ALG9: variants seen among roughly 807,000 people sequenced by gnomAD.
The protein encoded by ALG9 is alpha-1,2-mannosyltransferase ALG9.
A neutral mutation model predicts 81.8 loss-of-function variants in ALG9; 55 were observed. The ratio of observed to expected loss-of-function variants is 0.67; its 90% CI spans 0.54 to 0.84. The LOEUF (loss-of-function observed/expected upper bound fraction) is 0.84. Among genes scored for constraint, ALG9 ranks in the 40% least tolerant of loss-of-function variants. The probability of loss-of-function intolerance (pLI) is 0.00; values close to 1 mark genes in which losing one functional copy is unlikely to be tolerated. For synonymous variants in ALG9, 278 were observed against 274.3 expected (o/e 1.01, Z -0.13); for missense variants, 629 against 745.0 (o/e 0.84, Z 1.81).
intron 6 of ALG9, among the ~76,000 whole-genome samples, chr11:111,855,357 G>A (rs1555142376): frequency 1.3e-5 from 2 of 152,208 alleles, no homozygotes; most frequent in African/African-American, 4.8e-5. Context: ...ACAGGGAAGT[G>A]ATACAACCAC....
At chr11:111,775,249 C>T in the ALG9 span, among the ~76,000 whole-genome samples, 1 of 152,170 alleles carries the variant, frequency 6.6e-6, no homozygotes, top group Non-Finnish European at 1.5e-5. Context: ...CCCTTGGTCT[C>T]CCCTGAAGAT....
At chr11:111,778,254 C>G (rs1945750275), downstream of ALG9, 1 of 152,198 alleles carries the variant, frequency 6.6e-6, no homozygotes, top group Non-Finnish European at 1.5e-5. Context: ...AGTCGGCCTG[C>G]TCAAGCCTCT....
At chr11:111,844,534 A>G (rs1768811208) in intron 9 of ALG9, 67 bp downstream of exon 9, 2 of 1,605,044 alleles carry the variant, frequency 1.2e-6, no homozygotes, top group Non-Finnish European at 8.5e-7. Context: ...ATTTTCCTTC[A>G]GTTCTTGGTA....
At chr11:111,773,268 T>C in the ALG9 span, among the ~76,000 whole-genome samples, 1 of 152,056 alleles carries the variant, frequency 6.6e-6, no homozygotes, top group South Asian at 2.1e-4. Flanking sequence ...TTCCTGAGAC[T>C]GAGTCTTGCT....
chr11:111,768,099 C>CT, the ALG9 span, among the ~76,000 whole-genome samples: 1 of 152,154 alleles, frequency 6.6e-6, no homozygotes, highest in Non-Finnish European at 1.5e-5. Flanking sequence ...GACAATGATA[C>CT]TTTCATGCAC....
intron 13 of ALG9, among the ~76,000 whole-genome samples, chr11:111,835,037 G>A (rs1324899731): frequency 5.9e-5 from 9 of 152,178 alleles, no homozygotes; most frequent in African/African-American, 2.2e-4. Context: ...GGGTCTCCAT[G>A]GAACTCTAAC....
chr11:111,781,452 A>T (rs1234044426), downstream of ALG9, among the ~76,000 whole-genome samples: 1 of 152,180 alleles, frequency 6.6e-6, no homozygotes, highest in African/African-American at 2.4e-5. Context: ...ATTAAAAAAA[A>T]TTTATTCCTT....
At chr11:111,800,807 T>C (rs2359540) in intron 14 of ALG9, among the ~76,000 whole-genome samples, 4 of 152,226 alleles carry the variant, frequency 2.6e-5, no homozygotes, top group Admixed American at 2.6e-4. Flanking sequence ...TGATTTATCA[T>C]AGTGCCTGGC....
intron 13 of ALG9, among the ~76,000 whole-genome samples, chr11:111,827,867 C>CAA (rs781817579): frequency 9.7e-5 from 6 of 62,176 alleles, no homozygotes; most frequent in Non-Finnish European, 1.3e-4. Context: ...ACTCTGTCTC[C>CAA]AAAAAAAAAA....
chr11:111,851,906 G>C (rs547321824), intron 8 of ALG9, among the ~76,000 whole-genome samples: 1 of 152,266 alleles, frequency 6.6e-6, no homozygotes, highest in Non-Finnish European at 1.5e-5. Context: ...CTTTTTTAAA[G>C]TTCTTTCACT....
At chr11:111,803,780 C>A (rs1209081008) in intron 14 of ALG9, among the ~76,000 whole-genome samples, 1 of 152,132 alleles carries the variant, frequency 6.6e-6, no homozygotes, top group Non-Finnish European at 1.5e-5. Context: ...AATTTAGACA[C>A]AGATCTTACA....
At position 111,868,652 on chromosome 11, in the gene ALG9, G is replaced by C. The variant is rs782043153; in HGVS notation, c.355C>G (p.Leu119Val). 6.2e-7 allele frequency: 1 copy of C among 1,614,022 alleles called. No homozygotes were observed. The highest frequency in any genetic ancestry group is 8.5e-7 in the Non-Finnish European group (1 of 1,179,890). ...TGAAATGCAGCTGGCCAGGCATGAAGCAACAGGTAAGCATAGGAGCGAATG... is the reference window on the plus strand; with the variant it reads ...TGAAATGCAGCTGGCCAGGCATGAACCAACAGGTAAGCATAGGAGCGAATG... ...YAIRSYAYLL[L>V]HAWPAAFHAR... is the part of the protein sequence containing the mutation. The change falls in exon 3 of 15, where the codon CTT (leucine) becomes GTT (valine). Residue 119 changes from leucine (L) to valine (V), a missense_variant. Leu to Val is a conservative substitution (Grantham distance 32). Coordinates refer to ENST00000616540, the MANE Select transcript of ALG9 (RefSeq NM_024740.2).
chr11:111,826,884 T>A (rs1237449645), intron 13 of ALG9, among the ~76,000 whole-genome samples: 1 of 152,152 alleles, frequency 6.6e-6, no homozygotes, highest in Non-Finnish European at 1.5e-5. Flanking sequence ...CTATTTTCTA[T>A]CTCTTTGTTT....
the ALG9 span, among the ~76,000 whole-genome samples, chr11:111,776,191 T>A: frequency 0.64 from 96,712 of 150,880 alleles, 31,087 homozygotes; most frequent in East Asian, 0.77. Context: ...TAACAAAAAA[T>A]AAATAAAAAT....
In ALG9 at chr11:111,857,899, C is replaced by T. The variant is rs1958960621; in HGVS notation, c.566-162G>A. 3 of 811,068 alleles carry T rather than the reference C, an allele frequency of 3.7e-6. No individual in the cohort carries two copies. In the South Asian group the frequency reaches 4.9e-5, roughly 13 times the overall value. 50.2% of individuals were successfully genotyped at this position (811,068 alleles called of 1,614,324 possible). A position where few individuals can be genotyped will look rare whatever the true frequency, so the allele number is the denominator to read the frequency against. ...TTAGAAAGGACAGCAAAGTGATATT[C>T]TTTTTTAAAAAAATGAAGTTCAATG... is the stretch of plus-strand genomic sequence containing the variant. On this transcript the variant is annotated intron_variant, in intron 5 of 14. Transcript: ENST00000616540.
intron 14 of ALG9, among the ~76,000 whole-genome samples, chr11:111,791,008 T>C (rs192946043): frequency 6.6e-6 from 1 of 152,366 alleles, no homozygotes; most frequent in East Asian, 1.9e-4. Flanking sequence ...AACAATCTAC[T>C]TGGTTTTCCA....
chr11:111,786,106 T>C lies in ALG9; in HGVS notation c.*291A>G, dbSNP rs1460840546. 2.9e-5 allele frequency: 14 copies of C among 485,662 alleles called. No individual in the cohort carries two copies. Among genetic ancestry groups the C allele is most frequent in the Non-Finnish European group, 4.5e-5 (11 of 246,780 alleles). 30.1% of individuals were successfully genotyped at this position (485,662 alleles called of 1,614,324 possible). ...TGCTCTTCTCCGGTCTAGTAAATAA[T>C]TGAACAGAGGAAAAACAATGAGATG... On this transcript the variant is annotated 3_prime_UTR_variant, in exon 15 of 15. Transcript: ENST00000616540.
intron 6 of ALG9, among the ~76,000 whole-genome samples, chr11:111,856,295 A>C (rs1958669586): frequency 6.6e-6 from 1 of 150,970 alleles, no homozygotes; most frequent in Admixed American, 6.6e-5. Flanking sequence ...AAAAAAAAAA[A>C]AGAAAAAAAA....
downstream of ALG9, among the ~76,000 whole-genome samples, chr11:111,780,516 C>T (rs1413599444): frequency 6.6e-6 from 1 of 151,950 alleles, no homozygotes; most frequent in Admixed American, 6.6e-5. Flanking sequence ...CATGTCTCAG[C>T]CTCCCAAGTA....
Sources: gnomAD v4.1 joint callset for allele counts (sites outside exome capture counted in the v4.1 genomes callset) on GRCh38, gnomAD v4.1.1 for gene constraint, MANE v1.5 for transcripts, NCBI Gene and HGNC (gene_info 2026-07-23, HGNC 2026-07-21) for gene names.